RPTOR: variants seen among roughly 807,000 people sequenced by gnomAD.
The protein encoded by RPTOR is regulatory-associated protein of mTOR.
A neutral mutation model predicts 169.9 loss-of-function variants in RPTOR; 21 were observed. That is an observed-to-expected ratio of 0.12 (90% CI 0.09 to 0.18). The LOEUF is 0.18. RPTOR is among the 10% of genes least tolerant of loss of function. RPTOR has a pLI of 1.00. For missense variants in RPTOR, 1,133 were observed against 1,855.9 expected (o/e 0.61, Z 7.16); for synonymous variants, 732 against 753.2 (o/e 0.97, Z 0.46).
At chr17:80,843,643 G>A (rs1410867031) in intron 10 of RPTOR, among the ~76,000 whole-genome samples, 1 of 151,636 alleles carries the variant, frequency 6.6e-6, no homozygotes, top group Non-Finnish European at 1.5e-5. Context: ...CCCCTTGGCA[G>A]TGAACTTTAA....
chr17:80,805,632 T>G (rs925175905), intron 7 of RPTOR: 2 of 152,182 alleles, frequency 1.3e-5, no homozygotes, highest in Non-Finnish European at 2.9e-5. Context: ...AAAATAAACA[T>G]GGGCTCAGAT....
At chr17:80,744,826 C>G (rs374244134) in intron 5 of RPTOR, among the ~76,000 whole-genome samples, 2 of 104,732 alleles carry the variant, frequency 1.9e-5, no homozygotes, top group Admixed American at 8.2e-5. Flanking sequence ...GCTACTAGCA[C>G]AGCCCTGGTT....
Position 80,639,712 on chromosome 17 carries a change from T to C in RPTOR, c.266-4016T>C, listed in dbSNP as rs562390521. Reference sequence around the variant, plus strand: ...CACTCTTTGGGGCCATTGGGCCAGATTGAGGAACCCAGCTGGGAGGTGGGA... The same window carrying C: ...CACTCTTTGGGGCCATTGGGCCAGACTGAGGAACCCAGCTGGGAGGTGGGA... On this transcript the variant is annotated intron_variant, in intron 2 of 33. Coordinates refer to ENST00000306801, the MANE Select transcript of RPTOR (RefSeq NM_020761.3). Among the ~76,000 whole-genome samples the C allele has an allele frequency of 1.8e-4, 28 of 152,312 alleles. No homozygotes were observed. In the South Asian group the frequency reaches 5.6e-3, roughly 30 times the overall value.
At chr17:80,752,097 C>G (rs184761997) in intron 5 of RPTOR, among the ~76,000 whole-genome samples, 2 of 152,378 alleles carry the variant, frequency 1.3e-5, no homozygotes, top group East Asian at 3.9e-4. Context: ...CATGCCCAGG[C>G]ATCACATTTC....
rs1051683024 is a variant in RPTOR, at chr17:80,936,891, G to A, written c.2920-3605G>A. On this transcript the variant is annotated intron_variant, in intron 24 of 33. Coordinates refer to ENST00000306801, the MANE Select transcript of RPTOR (RefSeq NM_020761.3). This position sits in a 1 kb window ranked among gnomAD's most constrained non-coding sequence, Gnocchi z 4.1. ...CCCCTCCACAGCTTGGCGATTTGTG[G>A]TAACACAAAGGCTGTGTCCTTGGAC... Among the ~76,000 whole-genome samples, 1 of 152,204 alleles carries A rather than the reference G, an allele frequency of 6.6e-6. No homozygotes were observed. Among genetic ancestry groups the A allele is most frequent in the Non-Finnish European group, 1.5e-5 (1 of 68,040 alleles).
At chr17:80,772,767 A>G (rs958123793) in intron 6 of RPTOR, among the ~76,000 whole-genome samples, 1 of 152,068 alleles carries the variant, frequency 6.6e-6, no homozygotes, top group Non-Finnish European at 1.5e-5. Flanking sequence ...AATTTTCATT[A>G]TGTACCAGGT....
intron 13 of RPTOR, among the ~76,000 whole-genome samples, chr17:80,877,292 G>A (rs1380234950): frequency 6.6e-6 from 1 of 152,248 alleles, no homozygotes; most frequent in African/African-American, 2.4e-5. Flanking sequence ...GGGAGGGTGG[G>A]GGCGGTTTGA....
intron 21 of RPTOR, among the ~76,000 whole-genome samples, chr17:80,910,384 A>G (rs1188408026): frequency 6.6e-6 from 1 of 152,218 alleles, no homozygotes; most frequent in Admixed American, 6.5e-5. Context: ...TGGATGATTT[A>G]TGTGGAATTA....
Position 80,749,090 on chromosome 17 carries a change from T to C in RPTOR, c.655-4920T>C, listed in dbSNP as rs541718614. On this transcript the variant is annotated intron_variant, in intron 5 of 33. Transcript: ENST00000306801. The stretch of plus-strand genomic sequence containing the variant: ...TTAGAGGCCGTGGCAAGAGGACCTG[T>C]TGGGTGGATGGAGGGGCTGCGGTGT... Among the ~76,000 whole-genome samples the C allele has an allele frequency of 3.1e-4, 12 of 38,152 alleles. 1 individual carries two copies. Among genetic ancestry groups the C allele is most frequent in the African/African-American group, 1.1e-3 (12 of 11,030 alleles). 25.0% of individuals were successfully genotyped at this position (38,152 alleles called of 152,430 possible). A position where few individuals can be genotyped will look rare whatever the true frequency, so the allele number is the denominator to read the frequency against.
At chr17:80,692,328 TGTTA>T (rs1174135706) in intron 3 of RPTOR, among the ~76,000 whole-genome samples, 25 of 142,520 alleles carry the variant, frequency 1.8e-4, no homozygotes, top group Non-Finnish European at 9.3e-5. Context: ...TGTTATGTTA[TGTTA>T]TTTTTTTGAG....
At chr17:80,912,134 A>T (rs901376214) in intron 21 of RPTOR, among the ~76,000 whole-genome samples, 1 of 152,258 alleles carries the variant, frequency 6.6e-6, no homozygotes, top group Non-Finnish European at 1.5e-5. Flanking sequence ...CGTTTTCACT[A>T]AAATAGTTGT....
intron 24 of RPTOR, among the ~76,000 whole-genome samples, chr17:80,935,514 A>C (rs543014857): frequency 3.9e-5 from 6 of 152,240 alleles, no homozygotes; most frequent in Non-Finnish European, 8.8e-5. Context: ...GCGTAGATCA[A>C]TGGAACAGAA....
In RPTOR at chr17:80,840,682, G is replaced by A. The variant is rs192780954; in HGVS notation, c.1212+2685G>A. Among the ~76,000 whole-genome samples the A allele has an allele frequency of 8.1e-3, 864 of 106,580 alleles. 22 individuals carry two copies. The highest frequency in any genetic ancestry group is 0.014 in the Non-Finnish European group (710 of 51,672). The allele number at this position is 106,580 out of a possible 152,430, so 69.9% of individuals were successfully genotyped here. ...ACACCACAGCTCACTCTCACCACAC[G>A]GCAGCTCACTCTCACCACACGGCAG... On this transcript the variant is annotated intron_variant, in intron 10 of 33. Coordinates refer to ENST00000306801, the MANE Select transcript of RPTOR (RefSeq NM_020761.3).
At chr17:80,605,845 G>A (rs554209053) in intron 1 of RPTOR, among the ~76,000 whole-genome samples, 2 of 152,302 alleles carry the variant, frequency 1.3e-5, no homozygotes, top group South Asian at 2.1e-4. Context: ...TGAGTCAGAC[G>A]GAGGGTGGAT....
At chr17:80,700,736 GTGGTGGTGGTGGTGGTGA>G (rs2066089888) in intron 3 of RPTOR, among the ~76,000 whole-genome samples, 1 of 48,176 alleles carries the variant, frequency 2.1e-5, no homozygotes, top group African/African-American at 8.5e-5. Flanking sequence ...GGTGATGATG[GTGGTGGTGGTGGTGGTGA>G]TGATGGTGAT....
At chr17:80,625,885 G>A (rs933669083) in intron 2 of RPTOR, 92 bp downstream of exon 2, 18 of 852,718 alleles carry the variant, frequency 2.1e-5, no homozygotes, top group South Asian at 2.1e-4. Flanking sequence ...TGGTCCAGGG[G>A]CCCGTCTCCA....
chr17:80,942,545 C>A (rs1412649373), intron 25 of RPTOR, among the ~76,000 whole-genome samples: 2 of 152,102 alleles, frequency 1.3e-5, no homozygotes, highest in African/African-American at 2.4e-5. Context: ...TGCCAGCAGG[C>A]GTAGTGCCGG....
At chr17:80,791,573 G>C in intron 7 of RPTOR, 64 bp downstream of exon 7, 1 of 1,442,440 alleles carries the variant, frequency 6.9e-7, no homozygotes, top group Non-Finnish European at 9.6e-7. Flanking sequence ...CCTTTTTGAA[G>C]GCTCTTGCTT....
chr17:80,582,038 A>G (rs543333197), intron 1 of RPTOR, among the ~76,000 whole-genome samples: 2 of 152,284 alleles, frequency 1.3e-5, no homozygotes, highest in South Asian at 4.1e-4. Context: ...CTAGAGAGGG[A>G]GAGCTCTGGC....
Sources: allele counts gnomAD v4.1 joint callset (sites outside exome capture counted in the v4.1 genomes callset), GRCh38; gene constraint gnomAD v4.1.1; non-coding constraint Gnocchi (gnomAD v3.1); transcripts MANE v1.5; gene names NCBI Gene and HGNC (gene_info 2026-07-23, HGNC 2026-07-21).